CUX1: variants seen among roughly 807,000 people sequenced by gnomAD.
CUX1 encodes protein CASP.
CUX1 carries 31 observed loss-of-function variants against 158.8 expected under a neutral mutation model. The ratio of observed to expected loss-of-function variants is 0.20; its 90% CI spans 0.15 to 0.26. The LOEUF (loss-of-function observed/expected upper bound fraction) is 0.26, where lower values mean the gene tolerates loss of function less well. Among genes scored for constraint, CUX1 ranks in the 10% least tolerant of loss-of-function variants. CUX1 has a pLI of 1.00. For missense variants in CUX1, 1,589 were observed against 2,014.6 expected (o/e 0.79, Z 4.04); for synonymous variants, 879 against 862.1 (o/e 1.02, Z -0.34).
chr7:102,258,170 GTAT>G lies in CUX1; in HGVS notation c.*9136_*9138del. ...TATCACTGTATGAGACTCACACCATGTATTATTATTCACTAGCACCCTAGGTGT... is the reference window on the plus strand; with the variant it reads ...TATCACTGTATGAGACTCACACCATGTATTATTCACTAGCACCCTAGGTGT... On this transcript the variant is annotated 3_prime_UTR_variant, in exon 24 of 24. Transcript: ENST00000292535. 6.1e-6 allele frequency: 6 copies of G among 985,166 alleles called. No homozygotes were observed. The highest frequency in any genetic ancestry group is 7.2e-6 in the Non-Finnish European group (6 of 829,754). 61.0% of individuals were successfully genotyped at this position (985,166 alleles called of 1,614,324 possible). A position where few individuals can be genotyped will look rare whatever the true frequency, so the allele number is the denominator to read the frequency against.
intron 8 of CUX1, among the ~76,000 whole-genome samples, chr7:102,154,739 A>G (rs1345485830): frequency 6.6e-6 from 1 of 152,262 alleles, no homozygotes; most frequent in East Asian, 1.9e-4. Flanking sequence ...TGGAAGACAG[A>G]AGTAGCTATG....
At chr7:102,003,319 CA>C (rs1816928566) in intron 2 of CUX1, among the ~76,000 whole-genome samples, 2 of 151,348 alleles carry the variant, frequency 1.3e-5, no homozygotes, top group African/African-American at 4.9e-5. Context: ...CACACACACA[CA>C]CACACACACA....
intron 3 of CUX1, among the ~76,000 whole-genome samples, chr7:102,067,162 T>C (rs1385986102): frequency 6.6e-6 from 1 of 150,906 alleles, no homozygotes; most frequent in Non-Finnish European, 1.5e-5. Context: ...CCACCCCCAG[T>C]CTGAGACCAC....
At chr7:101,864,064 T>C (rs1797720314) in intron 1 of CUX1, among the ~76,000 whole-genome samples, 1 of 152,196 alleles carries the variant, frequency 6.6e-6, no homozygotes, top group Non-Finnish European at 1.5e-5. Context: ...TACCCAAAAG[T>C]GGAATTCTGT....
chr7:101,884,311 T>A (rs143842620), intron 1 of CUX1, among the ~76,000 whole-genome samples: 1 of 152,228 alleles, frequency 6.6e-6, no homozygotes, highest in Non-Finnish European at 1.5e-5. Flanking sequence ...TATATACTTA[T>A]AGTTAGCCTA....
intron 4 of CUX1, among the ~76,000 whole-genome samples, chr7:102,078,224 C>T (rs1285220027): frequency 1.3e-5 from 2 of 152,220 alleles, no homozygotes; most frequent in Non-Finnish European, 2.9e-5. Flanking sequence ...TACAGGCACA[C>T]GCCACCACAC....
chr7:102,203,141 A>G lies in CUX1; in HGVS notation c.2907+937A>G, dbSNP rs370324214. Among the ~76,000 whole-genome samples, 49 of 151,974 alleles carry G rather than the reference A, an allele frequency of 3.2e-4. No individual in the cohort carries two copies. In the East Asian group the frequency reaches 5.8e-3, roughly 18 times the overall value. On this transcript the variant is annotated intron_variant, in intron 18 of 23. Coordinates refer to ENST00000292535, the MANE Select transcript of CUX1 (RefSeq NM_181552.4). ...ACCACCACACCCAGCTAATTTTTCT[A>G]TTTTTAGTCGAGTCAGGGTTTCACC... is the stretch of plus-strand genomic sequence containing the variant.
At chr7:102,064,050 G>A (rs954428548) in intron 3 of CUX1, among the ~76,000 whole-genome samples, 1 of 152,216 alleles carries the variant, frequency 6.6e-6, no homozygotes, top group Non-Finnish European at 1.5e-5. Flanking sequence ...TGTGTTCTGG[G>A]AACTGGGAGT....
At chr7:102,140,321 A>C (rs1253483490) in intron 8 of CUX1, among the ~76,000 whole-genome samples, 3 of 152,032 alleles carry the variant, frequency 2.0e-5, no homozygotes, top group Non-Finnish European at 2.9e-5. Flanking sequence ...ATCTCGGCTC[A>C]CTGCAACCTC....
At position 102,281,837 on chromosome 7, in the gene CUX1, CA is replaced by C. The variant is rs1792091847; in HGVS notation, c.1822-2del. On this transcript the variant is annotated splice_acceptor_variant, in intron 20 of 22. Coordinates refer to the CUX1 transcript ENST00000292538. LOFTEE classifies it high-confidence loss of function. ...TCCCCACTCACCCCCTCCTTGCTCC[CA>C]GGGGCGTCTGGTTCTCTCCAACAAG... is the stretch of plus-strand genomic sequence containing the variant. The C allele has an allele frequency of 6.2e-7, 1 of 1,610,190 alleles. No individual in the cohort carries two copies. Among genetic ancestry groups the C allele is most frequent in the African/African-American group, 1.3e-5 (1 of 74,838 alleles).
chr7:102,271,929 G>A (rs1364751735), intron 14 of CUX1, among the ~76,000 whole-genome samples: 1 of 152,214 alleles, frequency 6.6e-6, no homozygotes, highest in Non-Finnish European at 1.5e-5. Context: ...GGTTGAGGCA[G>A]GAAAATTGCT....
chr7:102,221,737 TAAAAAAAA>T (rs60706791), intron 20 of CUX1, among the ~76,000 whole-genome samples: 8 of 134,054 alleles, frequency 6.0e-5, no homozygotes, highest in Admixed American at 7.4e-5. Context: ...CAGTGCCTTG[TAAAAAAAA>T]AAAAAAAAAA....
intron 1 of CUX1, among the ~76,000 whole-genome samples, chr7:101,867,195 A>G (rs761308576): frequency 3.3e-5 from 5 of 152,144 alleles, no homozygotes; most frequent in Non-Finnish European, 7.4e-5. Context: ...CCAGCCTGGG[A>G]GACAGAGCAA....
chr7:101,950,992 G>A (rs1808992705), intron 2 of CUX1, among the ~76,000 whole-genome samples: 1 of 152,138 alleles, frequency 6.6e-6, no homozygotes, highest in Non-Finnish European at 1.5e-5. Flanking sequence ...CCCCCTGGAG[G>A]AGTTTTTCCA....
intron 2 of CUX1, among the ~76,000 whole-genome samples, chr7:101,981,418 C>G (rs922596265): frequency 6.6e-5 from 10 of 152,146 alleles, no homozygotes; most frequent in African/African-American, 2.4e-4. Flanking sequence ...AATCTCAGTT[C>G]AGGGCACTCA....
At chr7:102,148,656 T>C (rs948918125) in intron 8 of CUX1, among the ~76,000 whole-genome samples, 1 of 148,804 alleles carries the variant, frequency 6.7e-6, no homozygotes, top group South Asian at 2.1e-4. Flanking sequence ...ATATATATAA[T>C]GTATTTTATA....
chr7:101,885,585 A>T (rs1051812390), intron 1 of CUX1, among the ~76,000 whole-genome samples: 6 of 152,062 alleles, frequency 3.9e-5, no homozygotes, highest in Non-Finnish European at 5.9e-5. Context: ...AGATGGAAAG[A>T]TGGGAGGATT....
intron 20 of CUX1, among the ~76,000 whole-genome samples, chr7:102,216,616 T>TCC (rs782129227): frequency 0.078 from 622 of 7,946 alleles, 14 homozygotes; most frequent in Non-Finnish European, 0.11. Context: ...ACACACACAC[T>TCC]CCCCACACAC....
rs572838835 is a variant in CUX1 at position 101,921,060 on chromosome 7, C to G, written c.141+4835C>G. On this transcript the variant is annotated intron_variant, in intron 2 of 23. Transcript: ENST00000292535. ...CTGGTGTCAGACTCCTGGGCTCAAG[C>G]TAAATCACCCACCTTGGCTTCCCAA... 3.3e-4 allele frequency among the ~76,000 whole-genome samples: 50 copies of G among 152,076 alleles called. 1 individual carries two copies. Among genetic ancestry groups the G allele is most frequent in the African/African-American group, 1.2e-3 (49 of 41,486 alleles).
Sources: gnomAD v4.1 joint callset for allele counts (sites outside exome capture counted in the v4.1 genomes callset) on GRCh38, gnomAD v4.1.1 for gene constraint, MANE v1.5 for transcripts, NCBI Gene and HGNC (gene_info 2026-07-23, HGNC 2026-07-21) for gene names.